Variants in CDIN1 observed in about 807,000 individuals in gnomAD.
The protein encoded by CDIN1 is CDAN1 interacting nuclease 1, also known as CDAN1-interacting nuclease 1.
A neutral mutation model predicts 45.3 loss-of-function variants in CDIN1; 33 were observed. That is an observed-to-expected ratio of 0.73 (90% CI 0.55 to 0.97). The LOEUF is 0.97. CDIN1 is among the 50% of genes least tolerant of loss of function. The pLI is 0.00. For synonymous variants in CDIN1, 118 were observed against 124.4 expected (o/e 0.95, Z 0.34); for missense variants, 303 against 339.4 (o/e 0.89, Z 0.84).
chr15:36,664,805 C>T (rs957638367), intron 5 of CDIN1, among the ~76,000 whole-genome samples: 2 of 152,236 alleles, frequency 1.3e-5, no homozygotes, highest in Non-Finnish European at 2.9e-5. Context: ...CTTGGCCTCC[C>T]AAAGTGCTGG....
intron 10 of CDIN1, among the ~76,000 whole-genome samples, chr15:36,806,253 C>T (rs1406925943): frequency 6.6e-6 from 1 of 152,158 alleles, no homozygotes; most frequent in Non-Finnish European, 1.5e-5. Flanking sequence ...AGGTGTTCCC[C>T]AGCCTGGCTT....
intron 10 of CDIN1, among the ~76,000 whole-genome samples, chr15:36,730,978 A>T (rs1202896779): frequency 6.6e-6 from 1 of 152,060 alleles, no homozygotes; most frequent in Non-Finnish European, 1.5e-5. Context: ...AACCCCTTAC[A>T]TTAATGGAGA....
At position 36,657,866 on chromosome 15, in the gene CDIN1, A is replaced by T. The variant is rs766798444; in HGVS notation, c.307A>T (p.Ile103Leu). ...TGCGCCCTCATTAATGGCTCGGCTT[A>T]TACTGGAGAGGTTTCTACAGGAACA... ...DYAPSLMARL[I>L]LERFLQEHEE... Residue 103 changes from isoleucine (I) to leucine (L), a missense_variant, in exon 5 of 11, where the codon ATA becomes TTA. Ile to Leu is a conservative substitution (Grantham distance 5). Transcript: ENST00000566621. 1.9e-5 allele frequency: 30 copies of T among 1,611,928 alleles called. No individual in the cohort carries two copies. The African/African-American group carries it at 3.5e-4, about 19-fold the overall frequency.
At chr15:36,740,111 G>T (rs2044177569) in intron 10 of CDIN1, among the ~76,000 whole-genome samples, 1 of 152,104 alleles carries the variant, frequency 6.6e-6, no homozygotes, top group African/African-American at 2.4e-5. Context: ...TACTACATTA[G>T]AATATTAACG....
At chr15:36,628,033 C>T (rs2039521043) in intron 1 of CDIN1, among the ~76,000 whole-genome samples, 1 of 151,306 alleles carries the variant, frequency 6.6e-6, no homozygotes, top group South Asian at 2.1e-4. Context: ...TTTTTTTTTC[C>T]CAATTTTAAT....
At chr15:36,654,569 T>A (rs890463610) in intron 4 of CDIN1, among the ~76,000 whole-genome samples, 8 of 151,708 alleles carry the variant, frequency 5.3e-5, no homozygotes, top group Admixed American at 5.3e-4. Context: ...ATTGTATACT[T>A]AAAGATGTAC....
intron 1 of CDIN1, among the ~76,000 whole-genome samples, chr15:36,619,509 A>ATCTG (rs1390571082): frequency 2.0e-5 from 3 of 151,628 alleles, no homozygotes; most frequent in Non-Finnish European, 2.9e-5. Flanking sequence ...CTATCTATCT[A>ATCTG]TCTATCTATC....
intron 10 of CDIN1, among the ~76,000 whole-genome samples, chr15:36,759,823 G>A (rs376663349): frequency 5.9e-5 from 9 of 152,060 alleles, no homozygotes; most frequent in East Asian, 1.9e-4. Context: ...GAGAGCAAAC[G>A]GGGAAGTGCT....
At chr15:36,795,600 T>G (rs2054773809) in intron 10 of CDIN1, among the ~76,000 whole-genome samples, 1 of 152,146 alleles carries the variant, frequency 6.6e-6, no homozygotes, top group South Asian at 2.1e-4. Flanking sequence ...TAAATAACAT[T>G]TAGGTCACTG....
intron 3 of CDIN1, among the ~76,000 whole-genome samples, chr15:36,645,521 TGTG>T (rs2040289464): frequency 6.6e-6 from 1 of 151,752 alleles, no homozygotes; most frequent in Non-Finnish European, 1.5e-5. Flanking sequence ...TGTGTGTGTG[TGTG>T]TGTGTGTGCC....
intron 10 of CDIN1, among the ~76,000 whole-genome samples, chr15:36,728,698 G>A (rs533026660): frequency 2.6e-5 from 4 of 151,748 alleles, no homozygotes; most frequent in African/African-American, 9.7e-5. Context: ...TTCTTACGAC[G>A]AAGTGTTGCT....
intron 10 of CDIN1, among the ~76,000 whole-genome samples, chr15:36,800,919 A>G (rs868430057): frequency 2.2e-4 from 21 of 95,378 alleles, no homozygotes; most frequent in Middle Eastern, 8.6e-3. Flanking sequence ...GTATATATAT[A>G]TATATATATA....
At chr15:36,712,766 C>T (rs1270505499) in intron 10 of CDIN1, among the ~76,000 whole-genome samples, 5 of 152,016 alleles carry the variant, frequency 3.3e-5, no homozygotes, top group Non-Finnish European at 7.4e-5. Flanking sequence ...CATAAGCAGC[C>T]GTTCCTACAA....
At chr15:36,800,923 A>G (rs1249318709) in intron 10 of CDIN1, among the ~76,000 whole-genome samples, 8 of 100,292 alleles carry the variant, frequency 8.0e-5, no homozygotes, top group South Asian at 6.6e-4. Flanking sequence ...ATATATATAT[A>G]TATATATATA....
chr15:36,672,812 G>C (rs1262333796), intron 5 of CDIN1, among the ~76,000 whole-genome samples: 1 of 151,274 alleles, frequency 6.6e-6, no homozygotes, highest in Non-Finnish European at 1.5e-5. Context: ...AAAAAGGCAA[G>C]GGAAATCAGT....
chr15:36,656,665 G>A (rs1566872750), intron 4 of CDIN1, among the ~76,000 whole-genome samples: 1 of 152,130 alleles, frequency 6.6e-6, no homozygotes, highest in Non-Finnish European at 1.5e-5. Context: ...CCTTATTCAG[G>A]CTGGACTACC....
intron 5 of CDIN1, among the ~76,000 whole-genome samples, chr15:36,672,785 G>A (rs914783070): frequency 2.1e-5 from 3 of 145,086 alleles, no homozygotes; most frequent in African/African-American, 7.5e-5. Flanking sequence ...GCCGAATCTT[G>A]TTACTTCTTT....
At chr15:36,773,099 T>A (rs1595580719) in intron 10 of CDIN1, among the ~76,000 whole-genome samples, 2 of 152,212 alleles carry the variant, frequency 1.3e-5, no homozygotes, top group East Asian at 3.9e-4. Flanking sequence ...GAAAAAAATA[T>A]CCCAGGTGTG....
intron 3 of CDIN1, among the ~76,000 whole-genome samples, chr15:36,650,050 GA>G: frequency 6.6e-6 from 1 of 152,268 alleles, no homozygotes; most frequent in East Asian, 1.9e-4. Flanking sequence ...TTTTACATGT[GA>G]ACATCTGAAT....
Sources: gnomAD v4.1 joint callset for allele counts (sites outside exome capture counted in the v4.1 genomes callset) on GRCh38, gnomAD v4.1.1 for gene constraint, MANE v1.5 for transcripts, NCBI Gene and HGNC (gene_info 2026-07-23, HGNC 2026-07-21) for gene names.